The following ESRRG variants were observed in gnomAD, a reference collection of about 807,000 sequenced individuals.
The protein encoded by ESRRG is estrogen-related receptor gamma.
Under a neutral mutation model 44.0 loss-of-function variants are expected in ESRRG, and 13 were observed. The observed-to-expected ratio is 0.30, with a 90% CI of 0.19 to 0.47. The LOEUF (loss-of-function observed/expected upper bound fraction) is 0.47, where lower values mean the gene tolerates loss of function less well. Ranked by LOEUF, ESRRG falls within the 20% of genes least tolerant of loss-of-function variation. The pLI, the probability that ESRRG is intolerant of heterozygous loss-of-function variation, is 1.00. For missense variants in ESRRG, 395 were observed against 580.6 expected, an observed-to-expected ratio of 0.68 and a Z score of 3.29; for synonymous variants, 215 against 214.6, an observed-to-expected ratio of 1.00 and a Z score of -0.02.
At chr1:216,844,464 C>T (rs938082758) in intron 2 of ESRRG, among the ~76,000 whole-genome samples, 14 of 152,054 alleles carry the variant, frequency 9.2e-5, no homozygotes, top group Non-Finnish European at 1.9e-4. Context: ...AAAGGTCCTA[C>T]GTGCTCTTCC....
At chr1:216,684,186 G>T (rs1051193496) in intron 1 of ESRRG, among the ~76,000 whole-genome samples, 1 of 152,194 alleles carries the variant, frequency 6.6e-6, no homozygotes, top group African/African-American at 2.4e-5. Context: ...ATTTCCTTAA[G>T]TCATCCAGAC....
chr1:216,563,580 T>C (rs2059166208), intron 5 of ESRRG, among the ~76,000 whole-genome samples: 1 of 152,156 alleles, frequency 6.6e-6, no homozygotes, highest in African/African-American at 2.4e-5. Flanking sequence ...TCAAGTAGAA[T>C]ACTAAAATTC....
intron 3 of ESRRG, among the ~76,000 whole-genome samples, chr1:216,575,581 G>A (rs1391781848): frequency 2.0e-5 from 3 of 152,064 alleles, no homozygotes; most frequent in Non-Finnish European, 4.4e-5. Flanking sequence ...AATCCTTATA[G>A]CAATCCTATG....
chr1:216,572,970 G>A (rs2061076068), intron 3 of ESRRG, among the ~76,000 whole-genome samples: 1 of 151,888 alleles, frequency 6.6e-6, no homozygotes, highest in African/African-American at 2.4e-5. Flanking sequence ...AAAATGAAGA[G>A]AGGTCAGATA....
chr1:216,691,521 T>C (rs2079049826), intron 1 of ESRRG, among the ~76,000 whole-genome samples: 1 of 152,196 alleles, frequency 6.6e-6, no homozygotes, highest in Admixed American at 6.5e-5. Context: ...TAGAGCACAT[T>C]TCTTGCCTTC....
chr1:216,901,332 C>A (rs762661137), intron 2 of ESRRG, among the ~76,000 whole-genome samples: 36 of 152,300 alleles, frequency 2.4e-4, no homozygotes, highest in Admixed American at 9.2e-4. Flanking sequence ...AGATACTTCT[C>A]AGTATGTAAC....
chr1:217,111,024 A>G (rs1371149776), intron 1 of ESRRG, among the ~76,000 whole-genome samples: 1 of 152,166 alleles, frequency 6.6e-6, no homozygotes, highest in Non-Finnish European at 1.5e-5. Flanking sequence ...ACTCAGTGTT[A>G]GTGAGTGTTC....
intron 2 of ESRRG, among the ~76,000 whole-genome samples, chr1:216,915,174 C>A (rs537666975): frequency 2.9e-4 from 44 of 152,162 alleles, no homozygotes; most frequent in Non-Finnish European, 6.2e-4. Context: ...TCATGAATTG[C>A]AGCACACATT....
intron 1 of ESRRG, among the ~76,000 whole-genome samples, chr1:216,700,063 AAGCACCAACATC>A (rs1459729521): frequency 3.9e-5 from 6 of 152,062 alleles, no homozygotes; most frequent in Non-Finnish European, 7.4e-5. Context: ...AGAGAGAACG[AAGCACCAACATC>A]TACTACCTCA....
At chr1:216,972,036 T>A (rs2071788213) in intron 1 of ESRRG, among the ~76,000 whole-genome samples, 1 of 152,240 alleles carries the variant, frequency 6.6e-6, no homozygotes, top group African/African-American at 2.4e-5. Flanking sequence ...TTATTACCTC[T>A]GATGAACAAA....
upstream of ESRRG, among the ~76,000 whole-genome samples, chr1:217,093,793 A>AAC (rs1376466223): frequency 6.6e-6 from 1 of 151,550 alleles, no homozygotes; most frequent in African/African-American, 2.4e-5. Context: ...CAAAAAAAAA[A>AAC]ACACACACAC....
At chr1:216,773,982 A>G (rs1406836301) in intron 2 of ESRRG, among the ~76,000 whole-genome samples, 1 of 152,104 alleles carries the variant, frequency 6.6e-6, no homozygotes, top group African/African-American at 2.4e-5. Flanking sequence ...TTAGAGTATG[A>G]TCTTTTGTTT....
intron 2 of ESRRG, among the ~76,000 whole-genome samples, chr1:216,896,038 C>A (rs544517098): frequency 6.6e-6 from 1 of 152,242 alleles, no homozygotes; most frequent in African/African-American, 2.4e-5. Flanking sequence ...TTTATTTATA[C>A]CAAGGGTAAG....
At chr1:216,676,658 T>G (rs1300712818) in intron 2 of ESRRG, among the ~76,000 whole-genome samples, 1 of 152,186 alleles carries the variant, frequency 6.6e-6, no homozygotes, top group East Asian at 1.9e-4. Context: ...GATTTCCAGA[T>G]GATTTTAATG....
At position 216,506,743 on chromosome 1, in the gene ESRRG, T is replaced by C. The variant is rs3768022; in HGVS notation, c.*196A>G. ...TGGGAAGAAAGAGGAAAGAAGATGATGGAGAAAGTAGAAAGAAACTCATCA... is the reference window on the plus strand; with the variant it reads ...TGGGAAGAAAGAGGAAAGAAGATGACGGAGAAAGTAGAAAGAAACTCATCA... On this transcript the variant is annotated 3_prime_UTR_variant, in exon 7 of 7. Coordinates refer to ENST00000408911, the MANE Select transcript of ESRRG (RefSeq NM_001438.4). The C allele has an allele frequency of 1.0e-4, 67 of 656,012 alleles. No individual in the cohort carries two copies. The highest frequency in any genetic ancestry group is 9.5e-4 in the East Asian group (34 of 35,746). 40.6% of individuals were successfully genotyped at this position (656,012 alleles called of 1,614,324 possible). A position where few individuals can be genotyped will look rare whatever the true frequency, so the allele number is the denominator to read the frequency against.
At chr1:216,981,478 T>C (rs1264589689) in intron 1 of ESRRG, among the ~76,000 whole-genome samples, 1 of 152,216 alleles carries the variant, frequency 6.6e-6, no homozygotes, top group Non-Finnish European at 1.5e-5. Flanking sequence ...GAGGAGCCGA[T>C]GAAGCAATTC....
chr1:216,703,248 A>C (rs2081771666), intron 1 of ESRRG, among the ~76,000 whole-genome samples: 1 of 152,174 alleles, frequency 6.6e-6, no homozygotes, highest in South Asian at 2.1e-4. Context: ...CATAGGAAAA[A>C]GAATTGTCTT....
chr1:216,663,254 C>A (rs572993743), intron 2 of ESRRG, among the ~76,000 whole-genome samples: 1 of 151,828 alleles, frequency 6.6e-6, no homozygotes, highest in Non-Finnish European at 1.5e-5. Flanking sequence ...GAGGCAAAAG[C>A]AGGGGAAAAA....
intron 1 of ESRRG, among the ~76,000 whole-genome samples, chr1:217,025,947 T>C (rs1212474477): frequency 6.6e-6 from 1 of 152,178 alleles, no homozygotes; most frequent in Non-Finnish European, 1.5e-5. Flanking sequence ...GAATAATACA[T>C]GGCCTGAGAT....
Sources: allele counts gnomAD v4.1 joint callset (sites outside exome capture counted in the v4.1 genomes callset), GRCh38; gene constraint gnomAD v4.1.1; transcripts MANE v1.5; gene names NCBI Gene and HGNC (gene_info 2026-07-23, HGNC 2026-07-21).